RPS6KA3: variants seen among roughly 807,000 people sequenced by gnomAD.
The protein encoded by RPS6KA3 is ribosomal protein S6 kinase alpha-3.
RPS6KA3 carries 4 observed loss-of-function variants against 67.2 expected under a neutral mutation model. That is an observed-to-expected ratio of 0.06 (90% CI 0.03 to 0.14). RPS6KA3 has a LOEUF of 0.14. Ranked by LOEUF, RPS6KA3 falls within the 10% of genes least tolerant of loss-of-function variation. RPS6KA3 has a pLI of 1.00. For synonymous variants in RPS6KA3, 182 were observed against 183.7 expected (o/e 0.99, Z 0.07); for missense variants, 204 against 559.0 (o/e 0.36, Z 6.40).
intron 4 of RPS6KA3, among the ~76,000 whole-genome samples, chrX:20,195,455 T>C (rs1180390919): frequency 3.6e-5 from 4 of 111,995 alleles, no homozygotes; most frequent in Admixed American, 1.9e-4. Context: ...CAAAAAAGCA[T>C]GCAACTTTTA....
chrX:20,204,171 C>T, intron 3 of RPS6KA3, 68 bp from the exon 4 acceptor site: 1 of 661,875 alleles, frequency 1.5e-6, no homozygotes. Flanking sequence ...AAAATAAGAC[C>T]CTGCTATAAT....
intron 14 of RPS6KA3, among the ~76,000 whole-genome samples, chrX:20,173,576 T>A (rs1199621702): frequency 6.2e-5 from 7 of 112,155 alleles, no homozygotes; most frequent in Non-Finnish European, 1.3e-4. Flanking sequence ...CCCTTGGCTA[T>A]ACTGATATGA....
At chrX:20,238,027 C>CT (rs991804031) in intron 1 of RPS6KA3, among the ~76,000 whole-genome samples, 2 of 111,517 alleles carry the variant, frequency 1.8e-5, no homozygotes, top group African/African-American at 6.5e-5. Flanking sequence ...TGCCTGTACT[C>CT]TATCTGCAAA....
intron 20 of RPS6KA3, among the ~76,000 whole-genome samples, chrX:20,157,351 T>C (rs1026624882): frequency 9.1e-6 from 1 of 109,386 alleles, no homozygotes; most frequent in Non-Finnish European, 1.9e-5. Context: ...TTTTTTTTTT[T>C]TTTAAAGCTG....
At chrX:20,173,510 T>C (rs1296339599) in intron 14 of RPS6KA3, among the ~76,000 whole-genome samples, 1 of 112,051 alleles carries the variant, frequency 8.9e-6, no homozygotes, top group Non-Finnish European at 1.9e-5. Flanking sequence ...TAACACACAG[T>C]AGATGATGAA....
In RPS6KA3 at chrX:20,155,416, G is replaced by A. The variant is rs371053039; in HGVS notation, c.2205C>T (p.Ile735=). 16 of 1,208,399 alleles carry A rather than the reference G, an allele frequency of 1.3e-5. No homozygotes were observed. The highest frequency in any genetic ancestry group is 1.8e-5 in the Non-Finnish European group (16 of 894,657). Residue 735 remains isoleucine (I), a synonymous_variant, in exon 22 of 22, where the codon ATC becomes ATT. Coordinates refer to ENST00000379565, the MANE Select transcript of RPS6KA3 (RefSeq NM_004586.3). ...TLAQRRGIKK[I]TSTAL ...GGTCACTTCACAGGGCTGTTGAGGT[G>A]ATTTTTTTAATACCTCTCCGCTGAG...
At chrX:20,185,864 A>C (rs1176387432) in intron 10 of RPS6KA3, among the ~76,000 whole-genome samples, 1 of 112,111 alleles carries the variant, frequency 8.9e-6, no homozygotes, top group Non-Finnish European at 1.9e-5. Flanking sequence ...AAACCACGTA[A>C]TATTGATGAA....
At chrX:20,161,009 A>C (rs1159801209) in intron 20 of RPS6KA3, among the ~76,000 whole-genome samples, 2 of 111,827 alleles carry the variant, frequency 1.8e-5, no homozygotes, top group Non-Finnish European at 3.8e-5. Context: ...AAAATAGAAC[A>C]GAGTTGGAGA....
chrX:20,199,352 T>C (rs2068362451), intron 4 of RPS6KA3, among the ~76,000 whole-genome samples: 1 of 111,943 alleles, frequency 8.9e-6, no homozygotes, highest in African/African-American at 3.2e-5. Flanking sequence ...TTCTTCTGTC[T>C]CTTTCTTAAA....
intron 1 of RPS6KA3, among the ~76,000 whole-genome samples, chrX:20,235,284 T>C (rs938723888): frequency 7.2e-5 from 8 of 110,943 alleles, no homozygotes; most frequent in Admixed American, 1.9e-4. Context: ...AAAAATAAAA[T>C]TGTACAAGTA....
chrX:20,198,509 C>T (rs1359190751), intron 4 of RPS6KA3, among the ~76,000 whole-genome samples: 1 of 112,121 alleles, frequency 8.9e-6, no homozygotes, highest in African/African-American at 3.2e-5. Flanking sequence ...CACCACACAA[C>T]ACAACTCAAT....
chrX:20,207,686 T>C (rs1361218067), intron 3 of RPS6KA3, among the ~76,000 whole-genome samples: 1 of 111,408 alleles, frequency 9.0e-6, no homozygotes, highest in Non-Finnish European at 1.9e-5. Flanking sequence ...AGTGAATAAA[T>C]AGAAGAAAAA....
intron 4 of RPS6KA3, among the ~76,000 whole-genome samples, chrX:20,195,652 A>T (rs766683947): frequency 8.9e-6 from 1 of 112,350 alleles, no homozygotes; most frequent in East Asian, 2.8e-4. Context: ...AGCAAGAGGG[A>T]GAGAGAGAAC....
intron 1 of RPS6KA3, among the ~76,000 whole-genome samples, chrX:20,243,461 C>A (rs890940086): frequency 9.0e-6 from 1 of 111,461 alleles, no homozygotes; most frequent in Non-Finnish European, 1.9e-5. Flanking sequence ...AAATTCAAAC[C>A]CAAATCTAAT....
chrX:20,197,833 A>G (rs1287878635), intron 4 of RPS6KA3, among the ~76,000 whole-genome samples: 2 of 111,933 alleles, frequency 1.8e-5, no homozygotes, highest in Non-Finnish European at 3.8e-5. Flanking sequence ...TAATCCCAAC[A>G]TAGAATTGGT....
At chrX:20,266,514 G>C in intron 1 of RPS6KA3, 50 bp downstream of exon 1, 3 of 1,030,228 alleles carry the variant, frequency 2.9e-6, no homozygotes, top group Non-Finnish European at 3.9e-6. Flanking sequence ...GCGAGCCGGC[G>C]GGGGCGCGAG....
chrX:20,225,234 T>C (rs1367823174), intron 2 of RPS6KA3, among the ~76,000 whole-genome samples: 1 of 92,355 alleles, frequency 1.1e-5, no homozygotes, highest in Non-Finnish European at 2.1e-5. Flanking sequence ...GGGGAGGTTT[T>C]TTTTTTTTGT....
At chrX:20,252,879 G>C (rs1264863465) in intron 1 of RPS6KA3, among the ~76,000 whole-genome samples, 2 of 110,877 alleles carry the variant, frequency 1.8e-5, no homozygotes, top group African/African-American at 3.3e-5. Context: ...GATGTGTTGA[G>C]AATCCTACCT....
intron 1 of RPS6KA3, among the ~76,000 whole-genome samples, chrX:20,248,598 GCCT>G (rs2069769792): frequency 9.0e-5 from 10 of 111,638 alleles, no homozygotes; most frequent in Middle Eastern, 4.6e-3. Context: ...TCCTGCCTCA[GCCT>G]CCTTCCAAGT....
Sources: allele counts gnomAD v4.1 joint callset (sites outside exome capture counted in the v4.1 genomes callset), GRCh38; gene constraint gnomAD v4.1.1; transcripts MANE v1.5; gene names NCBI Gene and HGNC (gene_info 2026-07-23, HGNC 2026-07-21).